The following AGPAT5 variants were observed in gnomAD, a reference collection of about 807,000 sequenced individuals.
AGPAT5 encodes the protein 1-acyl-sn-glycerol-3-phosphate acyltransferase epsilon.
AGPAT5 carries 46 observed loss-of-function variants against 45.6 expected under a neutral mutation model. That is an observed-to-expected ratio of 1.01 (90% CI 0.80 to 1.29). AGPAT5 has a LOEUF of 1.29. Among genes scored for constraint, AGPAT5 ranks in the 50% most tolerant of loss-of-function variants. AGPAT5 has a pLI of 0.00. For synonymous variants in AGPAT5, 272 were observed against 167.0 expected (o/e 1.63, Z -4.85); for missense variants, 673 against 450.7 (o/e 1.49, Z -4.47).
chr8:6,711,536 A>G (rs562493571), intron 1 of AGPAT5, among the ~76,000 whole-genome samples: 1 of 152,340 alleles, frequency 6.6e-6, no homozygotes, highest in African/African-American at 2.4e-5. Context: ...ATTTGAGACT[A>G]TTGAAAATCC....
chr8:6,710,510 C>T (rs1047132512), intron 1 of AGPAT5, among the ~76,000 whole-genome samples: 1 of 152,196 alleles, frequency 6.6e-6, no homozygotes, highest in Non-Finnish European at 1.5e-5. Flanking sequence ...GTAGAACGAA[C>T]TGATTGCCCA....
intron 6 of AGPAT5, among the ~76,000 whole-genome samples, chr8:6,753,036 A>C (rs1801708695): frequency 1.3e-5 from 2 of 152,200 alleles, no homozygotes; most frequent in East Asian, 3.8e-4. Context: ...CAAGGAGATA[A>C]TAACAGCCCC....
chr8:6,752,264 CCAATTTGGATATTTTCCTTTAA>C (rs1563307619), intron 6 of AGPAT5, among the ~76,000 whole-genome samples: 1 of 152,182 alleles, frequency 6.6e-6, no homozygotes, highest in East Asian at 1.9e-4. Flanking sequence ...AGCGGTAACC[CCAATTTGGATATTTTCCTTTAA>C]CAATTTGGAT....
rs759517601 is a variant in AGPAT5, at chr8:6,708,767, G to T, written c.99G>T (p.Gly33=). ...GTAPTYVLAW[G]VWRLLSAFLP... ...CGCCCACCTACGTGTTGGCCTGGGG[G>T]GTCTGGCGGCTGCTCTCCGCCTTCC... Residue 33 remains glycine (G), a synonymous_variant, in exon 1 of 8, where the codon GGG becomes GGT. Transcript: ENST00000285518. The T allele has an allele frequency of 6.2e-7, 1 of 1,608,758 alleles. No homozygotes were observed. Among genetic ancestry groups the T allele is most frequent in the Non-Finnish European group, 8.5e-7 (1 of 1,179,640 alleles).
chr8:6,723,362 A>G (rs965481874), intron 1 of AGPAT5, among the ~76,000 whole-genome samples: 5 of 152,112 alleles, frequency 3.3e-5, no homozygotes, highest in South Asian at 2.1e-4. Context: ...ATCTTTTTAT[A>G]ATTATGTAGA....
intron 5 of AGPAT5, among the ~76,000 whole-genome samples, 181 bp downstream of exon 5, chr8:6,741,932 C>G (rs545985588): frequency 6.6e-6 from 1 of 152,090 alleles, no homozygotes; most frequent in Non-Finnish European, 1.5e-5. Flanking sequence ...CACTTTCATG[C>G]TATTATTACA....
At chr8:6,724,167 C>T (rs1232477936) in intron 1 of AGPAT5, among the ~76,000 whole-genome samples, 2 of 152,198 alleles carry the variant, frequency 1.3e-5, no homozygotes, top group Non-Finnish European at 2.9e-5. Flanking sequence ...ATGTTTCTCT[C>T]ATACTTACAG....
rs541074498 is a variant in AGPAT5, at chr8:6,727,685, A to G, written c.289+2746A>G. Among the ~76,000 whole-genome samples the G allele has an allele frequency of 2.0e-5, 3 of 152,166 alleles. No individual in the cohort carries two copies. In the South Asian group the frequency reaches 6.2e-4, roughly 32 times the overall value. On this transcript the variant is annotated intron_variant, in intron 2 of 7. Transcript: ENST00000285518. ...CGTGAGCCACTGTGCCCTGCCTGCT[A>G]TTTGCCTTTTTAATCTCATGAAATG...
chr8:6,730,664 C>T (rs746248999), intron 2 of AGPAT5, 47 bp from the exon 3 acceptor site: 5 of 1,290,852 alleles, frequency 3.9e-6, no homozygotes, highest in Non-Finnish European at 5.6e-6. Flanking sequence ...CATAGTACAA[C>T]CTGTGAAGAG....
At chr8:6,721,696 T>G (rs189890803) in intron 1 of AGPAT5, among the ~76,000 whole-genome samples, 7 of 152,334 alleles carry the variant, frequency 4.6e-5, no homozygotes, top group Non-Finnish European at 7.3e-5. Context: ...TTAGTGGCTC[T>G]TATGTTACAG....
chr8:6,753,512 T>C (rs915111937), intron 6 of AGPAT5, among the ~76,000 whole-genome samples: 1 of 152,180 alleles, frequency 6.6e-6, no homozygotes, highest in Non-Finnish European at 1.5e-5. Context: ...TAACACATAG[T>C]GCATACTGTG....
chr8:6,712,120 G>C (rs1225938146), intron 1 of AGPAT5, among the ~76,000 whole-genome samples: 1 of 151,920 alleles, frequency 6.6e-6, no homozygotes, highest in Non-Finnish European at 1.5e-5. Flanking sequence ...ATTTCTTTAG[G>C]TATTTACGTA....
chr8:6,750,251 G>T (rs535598974), intron 6 of AGPAT5, among the ~76,000 whole-genome samples: 1 of 152,152 alleles, frequency 6.6e-6, no homozygotes, highest in Non-Finnish European at 1.5e-5. Flanking sequence ...CTTCCCAGCC[G>T]CATCATAAGT....
chr8:6,759,286 C>G lies in AGPAT5; in HGVS notation c.*1898C>G, dbSNP rs1411234119. 1 of 152,136 alleles carries G rather than the reference C, an allele frequency of 6.6e-6. No individual in the cohort carries two copies. The highest frequency in any genetic ancestry group is 2.4e-5 in the African/African-American group (1 of 41,432). 9.4% of individuals were successfully genotyped at this position (152,136 alleles called of 1,614,324 possible). A position where few individuals can be genotyped will look rare whatever the true frequency, so the allele number is the denominator to read the frequency against. On this transcript the variant is annotated 3_prime_UTR_variant, in exon 8 of 8. Transcript: ENST00000285518. The stretch of plus-strand genomic sequence containing the variant: ...TGTTGGAATTATGTGGATTCTAACT[C>G]ATTTTAACAAGGTAGCCTGACCTGC...
intron 6 of AGPAT5, among the ~76,000 whole-genome samples, chr8:6,751,439 CCAGGACGCTCTG>C (rs1271096465): frequency 6.6e-6 from 1 of 152,190 alleles, no homozygotes; most frequent in Non-Finnish European, 1.5e-5. Context: ...CACGTTGCTA[CCAGGACGCTCTG>C]CAGGTGAGAG....
In AGPAT5 at chr8:6,759,982, T is replaced by G. The variant is rs745965326; in HGVS notation, c.*2594T>G. 1.2e-4 allele frequency among the ~76,000 whole-genome samples: 19 copies of G among 152,258 alleles called. No homozygotes were observed. The highest frequency in any genetic ancestry group is 2.1e-4 in the Non-Finnish European group (14 of 68,050). The stretch of plus-strand genomic sequence containing the variant: ...TGGTGAATAAAAGTGCCGATCTGGC[T>G]AACTCTTACACCATACATACTGATA... On this transcript the variant is annotated 3_prime_UTR_variant, in exon 8 of 8. Transcript: ENST00000285518.
At chr8:6,749,261 G>A (rs1198772662) in intron 6 of AGPAT5, among the ~76,000 whole-genome samples, 1 of 152,216 alleles carries the variant, frequency 6.6e-6, no homozygotes, top group Non-Finnish European at 1.5e-5. Flanking sequence ...AGAAAGTTAG[G>A]GAGGGAGGCT....
At chr8:6,716,601 G>A (rs1800338893) in intron 1 of AGPAT5, among the ~76,000 whole-genome samples, 1 of 152,086 alleles carries the variant, frequency 6.6e-6, no homozygotes, top group Admixed American at 6.6e-5. Flanking sequence ...TTGGGAGGCT[G>A]AGGCAATGGA....
At chr8:6,743,713 G>C (rs1267193091) in intron 5 of AGPAT5, among the ~76,000 whole-genome samples, 1 of 151,012 alleles carries the variant, frequency 6.6e-6, no homozygotes, top group African/African-American at 2.4e-5. Context: ...TATAAGGGAT[G>C]TGGAATTAAA....
Sources: gnomAD v4.1 joint callset for allele counts (sites outside exome capture counted in the v4.1 genomes callset) on GRCh38, gnomAD v4.1.1 for gene constraint, MANE v1.5 for transcripts, NCBI Gene and HGNC (gene_info 2026-07-23, HGNC 2026-07-21) for gene names.